Variants in GKAP1 observed in about 807,000 individuals in gnomAD.
GKAP1 encodes G kinase-anchoring protein 1.
Under a neutral mutation model 56.7 loss-of-function variants are expected in GKAP1, and 31 were observed. The observed-to-expected ratio is 0.55, with a 90% CI of 0.41 to 0.74. The LOEUF (loss-of-function observed/expected upper bound fraction) is 0.74, where lower values mean the gene tolerates loss of function less well. GKAP1 is among the 30% of genes least tolerant of loss of function. The pLI, the probability that GKAP1 is intolerant of heterozygous loss-of-function variation, is 0.00. For missense variants in GKAP1, 364 were observed against 402.3 expected, an observed-to-expected ratio of 0.90 and a Z score of 0.82; for synonymous variants, 151 against 138.6, an observed-to-expected ratio of 1.09 and a Z score of -0.63.
intron 5 of GKAP1, 148 bp from the exon 6 acceptor site, chr9:83,784,986 G>C: frequency 1.9e-6 from 1 of 521,206 alleles, no homozygotes. Flanking sequence ...TGTATAAAGA[G>C]ATACCTCTTT....
chr9:83,802,509 G>A (rs1374319236), intron 3 of GKAP1, among the ~76,000 whole-genome samples: 1 of 149,320 alleles, frequency 6.7e-6, no homozygotes, highest in Non-Finnish European at 1.5e-5. Flanking sequence ...AAAGACCATC[G>A]AATGCATAAA....
chr9:83,795,459 A>T (rs1227023290), intron 4 of GKAP1, among the ~76,000 whole-genome samples: 1 of 151,692 alleles, frequency 6.6e-6, no homozygotes, highest in African/African-American at 2.4e-5. Context: ...ACTCACCACT[A>T]GTGTTTTTTT....
At chr9:83,782,182 T>C (rs1277896364) in intron 6 of GKAP1, among the ~76,000 whole-genome samples, 3 of 151,824 alleles carry the variant, frequency 2.0e-5, no homozygotes, top group Non-Finnish European at 2.9e-5. Context: ...TCTCACTCTG[T>C]TGCCTAGGCT....
intron 7 of GKAP1, among the ~76,000 whole-genome samples, chr9:83,776,757 A>AT (rs935279747): frequency 3.9e-5 from 6 of 152,116 alleles, no homozygotes; most frequent in African/African-American, 1.2e-4. Context: ...AATAGGGTTC[A>AT]TTTTTTTAGC....
chr9:83,751,882 A>T (rs1480075323), intron 9 of GKAP1, among the ~76,000 whole-genome samples: 1 of 152,200 alleles, frequency 6.6e-6, no homozygotes, highest in Non-Finnish European at 1.5e-5. Context: ...GTGGGAATGT[A>T]AAATGACACA....
chr9:83,813,825 C>T (rs1324222731), intron 2 of GKAP1, among the ~76,000 whole-genome samples: 1 of 152,180 alleles, frequency 6.6e-6, no homozygotes, highest in African/African-American at 2.4e-5. Context: ...GCAGGCCACA[C>T]ATGGTGGTTC....
At position 83,764,169 on chromosome 9, in the gene GKAP1, G is replaced by T. The variant is rs940443981; in HGVS notation, c.738+4649C>A. Among the ~76,000 whole-genome samples the T allele has an allele frequency of 9.1e-4, 138 of 152,156 alleles. 2 individuals are homozygous for T. Among genetic ancestry groups the T allele is most frequent in the Non-Finnish European group, 1.8e-4 (12 of 68,020 alleles). ...AAATGTTAATTAACATGGTTGCTTG[G>T]TGATACGGTTTGGCTCTGTCCCCAC... On this transcript the variant is annotated intron_variant, in intron 8 of 12. Transcript: ENST00000376371.
At chr9:83,812,589 C>T (rs190422491) in intron 2 of GKAP1, among the ~76,000 whole-genome samples, 2,509 of 151,070 alleles carry the variant, frequency 0.017, 64 homozygotes, top group African/African-American at 0.056. Flanking sequence ...ATCCTCCTAC[C>T]TCAGCCTCCC....
At chr9:83,802,875 T>TTAG (rs1190579875) in intron 3 of GKAP1, among the ~76,000 whole-genome samples, 1 of 151,482 alleles carries the variant, frequency 6.6e-6, no homozygotes, top group Non-Finnish European at 1.5e-5. Flanking sequence ...CTCACACCTA[T>TTAG]AATCCCAGCA....
intron 3 of GKAP1, among the ~76,000 whole-genome samples, chr9:83,801,913 G>A (rs1944337276): frequency 6.6e-6 from 1 of 152,184 alleles, no homozygotes; most frequent in African/African-American, 2.4e-5. Context: ...TATTCAGAAA[G>A]CAATGGAGAT....
intron 8 of GKAP1, among the ~76,000 whole-genome samples, chr9:83,759,421 T>C (rs1480319999): frequency 6.6e-6 from 1 of 152,072 alleles, no homozygotes; most frequent in Non-Finnish European, 1.5e-5. Context: ...CCAACTCACC[T>C]GGATAATTTT....
intron 3 of GKAP1, among the ~76,000 whole-genome samples, chr9:83,804,683 G>GC (rs1204139462): frequency 7.3e-6 from 1 of 137,464 alleles, no homozygotes; most frequent in Non-Finnish European, 1.6e-5. Flanking sequence ...GGGGGGTCCA[G>GC]CCCCCCGCCC....
Position 83,741,981 on chromosome 9 carries a change from C to T in GKAP1, c.1024G>A (p.Val342Ile). Residue 342 changes from valine to isoleucine, a missense_variant, in exon 12 of 13, where the codon GTA becomes ATA. Physicochemically the swap from Val to Ile is conservative, Grantham distance 29. Coordinates refer to ENST00000376371, the MANE Select transcript of GKAP1 (RefSeq NM_025211.4). ...ALEQERSKVKVLQAELAKYQG... is the reference protein window; with the variant it reads ...ALEQERSKVKILQAELAKYQG... ...TATTTGGCTAACTCTGCTTGTAATA[C>T]TTTCACTTTAGATCTTTCTTGTTCT... 6.3e-7 allele frequency: 1 copy of T among 1,593,574 alleles called. No individual in the cohort carries two copies. Among genetic ancestry groups the T allele is most frequent in the Non-Finnish European group, 8.5e-7 (1 of 1,172,184 alleles).
chr9:83,793,724 T>C (rs1236385647), intron 4 of GKAP1, among the ~76,000 whole-genome samples: 3 of 152,178 alleles, frequency 2.0e-5, no homozygotes, highest in African/African-American at 7.2e-5. Flanking sequence ...ATACAGTGAA[T>C]ATAGAATATA....
intron 4 of GKAP1, among the ~76,000 whole-genome samples, chr9:83,792,588 A>G (rs1944179260): frequency 6.6e-6 from 1 of 152,200 alleles, no homozygotes; most frequent in South Asian, 2.1e-4. Context: ...ACCTTAGATA[A>G]CAGGGAGAAT....
chr9:83,768,534 G>C (rs941904770), intron 8 of GKAP1, among the ~76,000 whole-genome samples: 6 of 152,168 alleles, frequency 3.9e-5, no homozygotes, highest in African/African-American at 1.4e-4. Flanking sequence ...AGGGAAGAAA[G>C]GTCTTATCCA....
At chr9:83,779,758 A>G (rs965811127) in intron 7 of GKAP1, among the ~76,000 whole-genome samples, 8 of 151,742 alleles carry the variant, frequency 5.3e-5, no homozygotes, top group African/African-American at 1.9e-4. Context: ...AGATAAAAAT[A>G]ATTTTAACAT....
intron 6 of GKAP1, among the ~76,000 whole-genome samples, chr9:83,784,136 A>C (rs1301884532): frequency 6.6e-6 from 1 of 151,786 alleles, no homozygotes; most frequent in African/African-American, 2.4e-5. Context: ...GCATGGTGGC[A>C]TAGGCCTGTA....
intron 10 of GKAP1, among the ~76,000 whole-genome samples, chr9:83,743,965 T>C (rs1047567026): frequency 1.4e-4 from 22 of 152,142 alleles, no homozygotes; most frequent in Non-Finnish European, 2.6e-4. Context: ...AGAGGTAAAA[T>C]TGTAATAAAA....
Sources: allele counts gnomAD v4.1 joint callset (sites outside exome capture counted in the v4.1 genomes callset), GRCh38; gene constraint gnomAD v4.1.1; transcripts MANE v1.5; gene names NCBI Gene and HGNC (gene_info 2026-07-23, HGNC 2026-07-21).